FAM135B: variants seen among roughly 807,000 people sequenced by gnomAD.
FAM135B encodes the protein family with sequence similarity 135 member B.
A neutral mutation model predicts 127.7 loss-of-function variants in FAM135B; 43 were observed. The observed-to-expected ratio is 0.34, with a 90% confidence interval of 0.26 to 0.43. The LOEUF (loss-of-function observed/expected upper bound fraction) is 0.43, where lower values mean the gene tolerates loss of function less well. FAM135B is among the 20% of genes least tolerant of loss of function. The pLI is 1.00. For synonymous variants in FAM135B, 670 were observed against 665.1 expected (o/e 1.01, Z -0.11); for missense variants, 1,558 against 1,725.6 (o/e 0.90, Z 1.72).
At chr8:138,312,237 GC>G (rs1212440805) in intron 2 of FAM135B, among the ~76,000 whole-genome samples, 2 of 152,118 alleles carry the variant, frequency 1.3e-5, no homozygotes, top group African/African-American at 4.8e-5. Flanking sequence ...AAGCCACCAT[GC>G]CCGGCCAAAA....
rs576726783 is a variant in FAM135B at position 138,157,789 on chromosome 8, A to T, written c.1259-4573T>A. On this transcript the variant is annotated intron_variant, in intron 12 of 19. Coordinates refer to ENST00000395297, the MANE Select transcript of FAM135B (RefSeq NM_015912.4). ...AGAAACTACAAACCACTGCTCAATG[A>T]AATAAAAGAGGACATAAACAAATGG... 2.0e-4 allele frequency among the ~76,000 whole-genome samples: 31 copies of T among 152,356 alleles called. No homozygotes were observed. In the South Asian group the frequency reaches 5.6e-3, roughly 27 times the overall value.
intron 1 of FAM135B, among the ~76,000 whole-genome samples, chr8:138,478,091 A>G (rs1019199903): frequency 1.3e-5 from 2 of 152,098 alleles, no homozygotes; most frequent in African/African-American, 4.8e-5. Flanking sequence ...GCGGAACCCC[A>G]TGTTAACTGG....
intron 2 of FAM135B, chr8:138,358,656 T>C (rs1426382862): frequency 3.3e-5 from 5 of 152,212 alleles, no homozygotes; most frequent in Non-Finnish European, 7.3e-5. Context: ...AGAACCAGGA[T>C]ATGTGTCTCT....
chr8:138,366,581 G>C (rs1034358477), intron 2 of FAM135B, among the ~76,000 whole-genome samples: 7 of 152,138 alleles, frequency 4.6e-5, no homozygotes, highest in African/African-American at 1.4e-4. Context: ...GCTGATCTCA[G>C]AACCATTTCC....
chr8:138,256,686 C>T lies in FAM135B; in HGVS notation c.368+3G>A, dbSNP rs747524341. 6 of 1,612,966 alleles carry T rather than the reference C, an allele frequency of 3.7e-6. No homozygotes were observed. Among genetic ancestry groups the T allele is most frequent in the Non-Finnish European group, 5.1e-6 (6 of 1,179,038 alleles). ...ACAATTCAATAATTTCCATGACACT[C>T]ACTGCTGTTCACTGTCCGTAAAGTG... On this transcript the variant is annotated splice_donor_region_variant and intron_variant, in intron 5 of 19. Coordinates refer to ENST00000395297, the MANE Select transcript of FAM135B (RefSeq NM_015912.4).
chr8:138,497,149 C>T lies in FAM135B; in HGVS notation c.-498G>A, dbSNP rs1455016212. On this transcript the variant is annotated 5_prime_UTR_variant, in exon 1 of 20. Coordinates refer to ENST00000395297, the MANE Select transcript of FAM135B (RefSeq NM_015912.4). The stretch of plus-strand genomic sequence containing the variant: ...TCTCCTTCCTCCGCCGGGACGCGGC[C>T]AGACCCTCCGCGCCGCGCCGCGCGC... 1.3e-5 allele frequency among the ~76,000 whole-genome samples: 2 copies of T among 151,354 alleles called. No individual in the cohort carries two copies. Among genetic ancestry groups the T allele is most frequent in the Admixed American group, 1.3e-4 (2 of 15,202 alleles).
chr8:138,140,595 G>A (rs917506188), intron 17 of FAM135B, among the ~76,000 whole-genome samples: 1 of 152,122 alleles, frequency 6.6e-6, no homozygotes, highest in African/African-American at 2.4e-5. Context: ...ACCTCCCATA[G>A]ATGTTAGTCA....
intron 12 of FAM135B, among the ~76,000 whole-genome samples, chr8:138,156,318 C>T (rs954648876): frequency 1.3e-5 from 2 of 152,182 alleles, no homozygotes; most frequent in Non-Finnish European, 2.9e-5. Context: ...AAATTCATAG[C>T]ACTAAATGCC....
intron 1 of FAM135B, among the ~76,000 whole-genome samples, chr8:138,488,898 C>G (rs1347032293): frequency 1.3e-5 from 2 of 152,156 alleles, no homozygotes; most frequent in African/African-American, 4.8e-5. Context: ...AGGTCCTGAC[C>G]TGGTGATCCG....
intron 1 of FAM135B, among the ~76,000 whole-genome samples, chr8:138,403,185 C>T (rs1358301614): frequency 6.6e-6 from 1 of 152,174 alleles, no homozygotes; most frequent in Non-Finnish European, 1.5e-5. Flanking sequence ...CACAGCAAAA[C>T]ATACTGATGA....
intron 3 of FAM135B, among the ~76,000 whole-genome samples, chr8:138,288,588 A>G (rs1824872781): frequency 1.3e-5 from 2 of 152,158 alleles, no homozygotes; most frequent in Non-Finnish European, 2.9e-5. Context: ...GGAGATGTTG[A>G]GGAAACGGAG....
intron 1 of FAM135B, among the ~76,000 whole-genome samples, chr8:138,448,111 GAAAAAA>G (rs36063170): frequency 7.1e-6 from 1 of 141,550 alleles, no homozygotes; most frequent in Non-Finnish European, 1.5e-5. Context: ...ACAGAGGTCA[GAAAAAA>G]AAAAAAAAGA....
intron 1 of FAM135B, among the ~76,000 whole-genome samples, chr8:138,480,537 T>A (rs561245710): frequency 1.3e-5 from 2 of 152,316 alleles, no homozygotes; most frequent in East Asian, 1.9e-4. Context: ...AGGATTTTTT[T>A]AATCTAAATA....
At chr8:138,332,858 T>C (rs1828289628) in intron 2 of FAM135B, among the ~76,000 whole-genome samples, 2 of 152,134 alleles carry the variant, frequency 1.3e-5, no homozygotes, top group South Asian at 4.2e-4. Flanking sequence ...TTCAGGGAGT[T>C]GGTGGAAGTG....
intron 1 of FAM135B, among the ~76,000 whole-genome samples, chr8:138,488,423 T>C (rs1815068702): frequency 1.3e-5 from 2 of 151,198 alleles, no homozygotes; most frequent in East Asian, 1.9e-4. Flanking sequence ...ATGAATTCTT[T>C]TGAGGAAAAA....
At chr8:138,497,480 G>C (rs1045616523), upstream of FAM135B, among the ~76,000 whole-genome samples, 1 of 152,138 alleles carries the variant, frequency 6.6e-6, no homozygotes, top group African/African-American at 2.4e-5. Flanking sequence ...CAAGACCCCA[G>C]GCCTCGGGCA....
intron 3 of FAM135B, among the ~76,000 whole-genome samples, chr8:138,276,158 C>T (rs1039280117): frequency 2.0e-5 from 3 of 152,192 alleles, no homozygotes; most frequent in East Asian, 3.9e-4. Context: ...TCCTGAAACC[C>T]GTCCTGCTAA....
At chr8:138,423,832 G>A (rs765327625) in intron 1 of FAM135B, among the ~76,000 whole-genome samples, 3 of 152,088 alleles carry the variant, frequency 2.0e-5, no homozygotes, top group East Asian at 1.9e-4. Flanking sequence ...CCTACAGCTC[G>A]ACCATAAAAG....
intron 1 of FAM135B, among the ~76,000 whole-genome samples, chr8:138,402,402 G>A (rs1833203974): frequency 6.6e-6 from 1 of 152,096 alleles, no homozygotes; most frequent in African/African-American, 2.4e-5. Context: ...TGATGTTTTT[G>A]ACCCAGGTGT....
Sources: gnomAD v4.1 joint callset for allele counts (sites outside exome capture counted in the v4.1 genomes callset) on GRCh38, gnomAD v4.1.1 for gene constraint, MANE v1.5 for transcripts, NCBI Gene and HGNC (gene_info 2026-07-23, HGNC 2026-07-21) for gene names.